Variants in STXBP5L observed in about 807,000 individuals in gnomAD.
STXBP5L encodes syntaxin binding protein 5L, also known as syntaxin-binding protein 5-like.
Under a neutral mutation model 144.5 loss-of-function variants are expected in STXBP5L, and 65 were observed. That is an observed-to-expected ratio of 0.45 (90% CI 0.37 to 0.55). STXBP5L has a LOEUF of 0.55. STXBP5L is among the 20% of genes least tolerant of loss of function. The pLI is 0.00. For synonymous variants in STXBP5L, 505 were observed against 469.6 expected (o/e 1.08, Z -0.97); for missense variants, 1,298 against 1,405.5 (o/e 0.92, Z 1.22).
chr3:121,318,015 G>A (rs1371001831), intron 19 of STXBP5L, among the ~76,000 whole-genome samples: 1 of 151,966 alleles, frequency 6.6e-6, no homozygotes, highest in Admixed American at 6.5e-5. Flanking sequence ...TCTATTTTCA[G>A]ATAAAATTGG....
intron 9 of STXBP5L, among the ~76,000 whole-genome samples, chr3:121,162,748 A>G (rs1029187494): frequency 1.3e-5 from 2 of 152,234 alleles, no homozygotes; most frequent in African/African-American, 2.4e-5. Context: ...AACCCCATCA[A>G]AAAGTAGGCA....
At chr3:121,315,876 C>G (rs373413572) in intron 19 of STXBP5L, among the ~76,000 whole-genome samples, 53 of 151,852 alleles carry the variant, frequency 3.5e-4, no homozygotes, top group Admixed American at 1.8e-3. Flanking sequence ...GTGGCACACA[C>G]CTGTAATCCC....
chr3:121,375,359 T>TAA, intron 20 of STXBP5L, among the ~76,000 whole-genome samples: 1 of 152,294 alleles, frequency 6.6e-6, no homozygotes, highest in South Asian at 2.1e-4. Context: ...ATGTGCCTCT[T>TAA]AAACCCTACT....
At chr3:120,917,419 G>T (rs1709156865) in intron 2 of STXBP5L, among the ~76,000 whole-genome samples, 1 of 152,134 alleles carries the variant, frequency 6.6e-6, no homozygotes, top group African/African-American at 2.4e-5. Context: ...GAGACAGTAG[G>T]TTTTAATATC....
At chr3:121,109,643 T>C (rs1005157434) in intron 5 of STXBP5L, among the ~76,000 whole-genome samples, 2 of 152,208 alleles carry the variant, frequency 1.3e-5, no homozygotes, top group Non-Finnish European at 2.9e-5. Context: ...TCCAATTAAA[T>C]GATTGATTTT....
intron 7 of STXBP5L, among the ~76,000 whole-genome samples, chr3:121,134,526 G>A (rs529037436): frequency 3.3e-5 from 5 of 152,032 alleles, no homozygotes; most frequent in Admixed American, 1.3e-4. Context: ...TTTAACATTA[G>A]GTATATCTCC....
chr3:121,117,789 A>G (rs16832118), intron 6 of STXBP5L, among the ~76,000 whole-genome samples: 15,018 of 151,670 alleles, frequency 0.099, 1,156 homozygotes, highest in Admixed American at 0.2. Flanking sequence ...TCCCAAGAGT[A>G]TGAATAGTTG....
At chr3:121,112,086 G>A (rs1328843435) in intron 5 of STXBP5L, among the ~76,000 whole-genome samples, 1 of 152,080 alleles carries the variant, frequency 6.6e-6, no homozygotes, top group Non-Finnish European at 1.5e-5. Flanking sequence ...CGCACCAGCA[G>A]GGAAAAAGTG....
chr3:121,412,336 A>G (rs1327661837), intron 23 of STXBP5L, among the ~76,000 whole-genome samples: 1 of 152,182 alleles, frequency 6.6e-6, no homozygotes, highest in Non-Finnish European at 1.5e-5. Flanking sequence ...CCTCCTGGGA[A>G]GCACATGTAG....
At chr3:121,353,319 T>C (rs746978374) in intron 20 of STXBP5L, among the ~76,000 whole-genome samples, 1 of 152,178 alleles carries the variant, frequency 6.6e-6, no homozygotes, top group Non-Finnish European at 1.5e-5. Flanking sequence ...TCCTGGACTT[T>C]TTTTCGTTGG....
At chr3:121,068,588 A>G (rs544302181) in intron 5 of STXBP5L, among the ~76,000 whole-genome samples, 1 of 152,216 alleles carries the variant, frequency 6.6e-6, no homozygotes, top group East Asian at 1.9e-4. Flanking sequence ...CACTTCTTTA[A>G]TAATGACAGC....
At position 121,407,458 on chromosome 3, in the gene STXBP5L, A is replaced by T; in HGVS notation, c.2803A>T (p.Lys935Ter). Residue 935 changes from lysine to a stop codon, truncating the protein, a stop_gained, in exon 23 of 27, where the codon AAA becomes TAA. Transcript: ENST00000471454. LOFTEE classifies it high-confidence loss of function. ...AATAATCTGCTCAGAAAAACAAGCC[A>T]AAGTCTTCTCACTGCCTTCTCAGAC... ...YTIICSEKQA[K>*]VFSLPSQTCL... 6.2e-7 allele frequency: 1 copy of T among 1,613,250 alleles called. No homozygotes were observed. Among genetic ancestry groups the T allele is most frequent in the East Asian group, 2.2e-5 (1 of 44,874 alleles).
At chr3:121,194,866 T>C (rs1194663722) in intron 9 of STXBP5L, among the ~76,000 whole-genome samples, 1 of 151,436 alleles carries the variant, frequency 6.6e-6, no homozygotes, top group Non-Finnish European at 1.5e-5. Flanking sequence ...TAATACTCCA[T>C]TACAATCTTT....
At position 121,381,277 on chromosome 3, in the gene STXBP5L, T is replaced by C. The variant is rs754383784; in HGVS notation, c.2348-16T>C. On this transcript the variant is annotated splice_polypyrimidine_tract_variant and intron_variant, in intron 21 of 26. Transcript: ENST00000471454. ...TACTAACAATTTGTGTGGTTTTTTT[T>C]TATTTATTTCCATAGAAAACCGAGA... The C allele has an allele frequency of 1.9e-6, 3 of 1,573,516 alleles. No individual in the cohort carries two copies. Among genetic ancestry groups the C allele is most frequent in the Admixed American group, 2.0e-5 (1 of 49,548 alleles).
intron 3 of STXBP5L, among the ~76,000 whole-genome samples, chr3:121,040,436 C>T (rs893092845): frequency 6.6e-6 from 1 of 152,064 alleles, no homozygotes; most frequent in Non-Finnish European, 1.5e-5. Flanking sequence ...CTTGCCTCAA[C>T]ATAAACTTTA....
intron 22 of STXBP5L, among the ~76,000 whole-genome samples, chr3:121,385,070 A>G (rs552008859): frequency 8.9e-4 from 136 of 152,198 alleles, no homozygotes; most frequent in South Asian, 2.3e-3. Context: ...CAAACTCAAG[A>G]TTTAAATTCA....
At chr3:121,353,645 A>G (rs2045390246) in intron 20 of STXBP5L, among the ~76,000 whole-genome samples, 1 of 152,106 alleles carries the variant, frequency 6.6e-6, no homozygotes, top group South Asian at 2.1e-4. Flanking sequence ...TCCTGGATTC[A>G]TTAATTTTTT....
intron 7 of STXBP5L, among the ~76,000 whole-genome samples, chr3:121,152,236 T>C (rs1419695560): frequency 6.6e-6 from 1 of 152,060 alleles, no homozygotes; most frequent in Non-Finnish European, 1.5e-5. Flanking sequence ...TATCATGTCA[T>C]ATATATTTAT....
intron 19 of STXBP5L, among the ~76,000 whole-genome samples, chr3:121,284,629 G>C (rs909355256): frequency 1.3e-5 from 2 of 152,098 alleles, no homozygotes; most frequent in Non-Finnish European, 2.9e-5. Flanking sequence ...CAGTAGGATA[G>C]AGCATGGCAG....
Sources: gnomAD v4.1 joint callset for allele counts (sites outside exome capture counted in the v4.1 genomes callset) on GRCh38, gnomAD v4.1.1 for gene constraint, MANE v1.5 for transcripts, NCBI Gene and HGNC (gene_info 2026-07-23, HGNC 2026-07-21) for gene names.